Variants in PDE7A observed in about 807,000 individuals in gnomAD.
PDE7A encodes the protein phosphodiesterase 7A.
PDE7A carries 39 observed loss-of-function variants against 64.3 expected under a neutral mutation model. That is an observed-to-expected ratio of 0.61 (90% CI 0.47 to 0.79). The LOEUF is 0.79. PDE7A is among the 30% of genes least tolerant of loss of function. The pLI is 0.00. For missense variants in PDE7A, 470 were observed against 582.8 expected (o/e 0.81, Z 1.99); for synonymous variants, 203 against 206.8 (o/e 0.98, Z 0.16).
At chr8:65,771,698 A>G (rs544118686) in intron 3 of PDE7A, among the ~76,000 whole-genome samples, 6 of 152,084 alleles carry the variant, frequency 3.9e-5, no homozygotes, top group African/African-American at 1.4e-4. Context: ...AACATGGTGA[A>G]ACCCCATCTC....
chr8:65,805,496 G>C (rs1156784380), intron 1 of PDE7A, among the ~76,000 whole-genome samples: 1 of 152,182 alleles, frequency 6.6e-6, no homozygotes, highest in East Asian at 1.9e-4. Flanking sequence ...CTACCATGTT[G>C]ACTTCTAATT....
intron 3 of PDE7A, among the ~76,000 whole-genome samples, chr8:65,758,525 TGTG>T (rs1808343694): frequency 6.6e-6 from 1 of 152,188 alleles, no homozygotes; most frequent in Non-Finnish European, 1.5e-5. Flanking sequence ...ACACAAATCT[TGTG>T]GGGACACTCC....
At chr8:65,770,821 C>T (rs959326326) in intron 3 of PDE7A, 1 of 157,718 alleles carries the variant, frequency 6.3e-6, no homozygotes, top group African/African-American at 2.4e-5. Context: ...AGCTCCTTAG[C>T]TGATTGCCTA....
At chr8:65,779,827 ATAAGTT>A in intron 2 of PDE7A, 24 bp from the exon 3 acceptor site, 1 of 1,464,348 alleles carries the variant, frequency 6.8e-7, no homozygotes, top group Non-Finnish European at 9.5e-7. Context: ...AGAATAAAAC[ATAAGTT>A]TAGAAGGTTG....
At chr8:65,720,769 C>T (rs1300934456) in intron 12 of PDE7A, among the ~76,000 whole-genome samples, 3 of 152,166 alleles carry the variant, frequency 2.0e-5, no homozygotes, top group Non-Finnish European at 4.4e-5. Flanking sequence ...AGATAACAAA[C>T]ATAGAAAAGT....
At chr8:65,752,604 T>C (rs1302133108) in intron 3 of PDE7A, among the ~76,000 whole-genome samples, 1 of 152,222 alleles carries the variant, frequency 6.6e-6, no homozygotes, top group South Asian at 2.1e-4. Flanking sequence ...TAAAGGCCAA[T>C]TACTTTACTA....
chr8:65,767,984 G>A lies in PDE7A; in HGVS notation c.283+11736C>T, dbSNP rs535841197. On this transcript the variant is annotated intron_variant, in intron 3 of 12. Transcript: ENST00000401827. ...CTGGGTTTTGGGGGCTGGGAGGCAG[G>A]TTTAGGAACTGAGCCCTTAACCTGT... Among the ~76,000 whole-genome samples the A allele has an allele frequency of 2.1e-3, 315 of 152,256 alleles. 2 individuals carry two copies. Among genetic ancestry groups the A allele is most frequent in the Middle Eastern group, 0.01 (3 of 294 alleles).
chr8:65,818,746 C>A (rs1810472377), intron 1 of PDE7A, among the ~76,000 whole-genome samples: 1 of 152,186 alleles, frequency 6.6e-6, no homozygotes, highest in Non-Finnish European at 1.5e-5. Flanking sequence ...CTCTGTTGAG[C>A]ACATGCACAG....
chr8:65,819,541 AGTTATT>A (rs1810490376), intron 1 of PDE7A, among the ~76,000 whole-genome samples: 1 of 152,268 alleles, frequency 6.6e-6, no homozygotes, highest in African/African-American at 2.4e-5. Flanking sequence ...GTCCTTACAA[AGTTATT>A]GTTAACAGCA....
chr8:65,815,194 TTAAA>T (rs1473124724), intron 1 of PDE7A, among the ~76,000 whole-genome samples: 9 of 152,218 alleles, frequency 5.9e-5, no homozygotes, highest in Admixed American at 5.9e-4. Flanking sequence ...AGGTTTTAAA[TTAAA>T]TACATAGTAA....
At chr8:65,812,995 TC>T (rs911797079) in intron 1 of PDE7A, among the ~76,000 whole-genome samples, 6 of 152,208 alleles carry the variant, frequency 3.9e-5, no homozygotes, top group Non-Finnish European at 5.9e-5. Context: ...ATCTGGACTG[TC>T]CCTACACTTG....
chr8:65,809,609 A>G lies in PDE7A; in HGVS notation c.139-26766T>C, dbSNP rs148189961. 5.9e-3 allele frequency among the ~76,000 whole-genome samples: 893 copies of G among 152,348 alleles called. 9 individuals carry two copies. Among genetic ancestry groups the G allele is most frequent in the African/African-American group, 0.02 (844 of 41,580 alleles). On this transcript the variant is annotated intron_variant, in intron 1 of 12. Coordinates refer to ENST00000401827, the MANE Select transcript of PDE7A (RefSeq NM_001242318.3). The stretch of plus-strand genomic sequence containing the variant: ...AATTTTTGCAATCTACCCATCTGAC[A>G]AAAGGCTAATATCCAGAATCTACAA...
At chr8:65,726,286 T>G (rs189110071) in intron 9 of PDE7A, among the ~76,000 whole-genome samples, 1 of 152,312 alleles carries the variant, frequency 6.6e-6, no homozygotes, top group East Asian at 1.9e-4. Flanking sequence ...GTGTTAGCCT[T>G]ATTCACATTA....
chr8:65,737,504 AATT>A (rs979537579), intron 6 of PDE7A, among the ~76,000 whole-genome samples: 1 of 152,038 alleles, frequency 6.6e-6, no homozygotes, highest in African/African-American at 2.4e-5. Flanking sequence ...TGGTTATATT[AATT>A]ATTATTATTA....
chr8:65,836,122 C>T (rs578127239), intron 1 of PDE7A, among the ~76,000 whole-genome samples: 38 of 152,244 alleles, frequency 2.5e-4, no homozygotes, highest in Middle Eastern at 6.8e-3. Flanking sequence ...ATAAATATAA[C>T]CACTTCCCTT....
intron 1 of PDE7A, among the ~76,000 whole-genome samples, chr8:65,785,298 T>G (rs1033087961): frequency 6.6e-6 from 1 of 152,144 alleles, no homozygotes; most frequent in Non-Finnish European, 1.5e-5. Context: ...ACTTTTTGAG[T>G]CTTGCAGTGT....
At chr8:65,741,554 G>A (rs1240079625) in intron 5 of PDE7A, among the ~76,000 whole-genome samples, 9 of 152,234 alleles carry the variant, frequency 5.9e-5, no homozygotes, top group Middle Eastern at 3.4e-3. Flanking sequence ...ACTACCTGAC[G>A]TATCACCTTC....
chr8:65,771,002 C>G (rs1461876356), intron 3 of PDE7A: 1 of 352,400 alleles, frequency 2.8e-6, no homozygotes, highest in Non-Finnish European at 5.6e-6. Flanking sequence ...GCAAATCCTA[C>G]TGAAGATAAA....
intron 9 of PDE7A, among the ~76,000 whole-genome samples, chr8:65,726,535 T>TA (rs1424045344): frequency 3.9e-5 from 6 of 152,300 alleles, no homozygotes; most frequent in African/African-American, 1.4e-4. Context: ...CCTTTATACC[T>TA]AGACCTTAAG....
Sources: allele counts gnomAD v4.1 joint callset (sites outside exome capture counted in the v4.1 genomes callset), GRCh38; gene constraint gnomAD v4.1.1; transcripts MANE v1.5; gene names NCBI Gene and HGNC (gene_info 2026-07-23, HGNC 2026-07-21).